Variants in NEMF observed in about 807,000 individuals in gnomAD.
NEMF encodes nuclear export mediator factor, also known as ribosome quality control complex subunit NEMF.
In NEMF, 89 loss-of-function variants were observed where a neutral mutation model predicts 162.2. The observed-to-expected ratio is 0.55, with a 90% confidence interval of 0.46 to 0.65. The LOEUF (loss-of-function observed/expected upper bound fraction) is 0.65. Among genes scored for constraint, NEMF ranks in the 30% least tolerant of loss-of-function variants. The pLI is 0.00. For synonymous variants in NEMF, 421 were observed against 404.5 expected, an observed-to-expected ratio of 1.04 and a Z score of -0.49; for missense variants, 1,133 against 1,261.9, an observed-to-expected ratio of 0.90 and a Z score of 1.55.
At position 49,840,820 on chromosome 14, in the gene NEMF, A is replaced by G. The variant is rs746695126; in HGVS notation, c.404T>C (p.Leu135Pro). ...TDYEYVILNI[L>P]RFRTDEADDV... ...ATCTGCCTCATCAGTTCGAAACCTT[A>G]GAATATTTAAAATTACGTACTCATA... The change falls in exon 5 of 33, where the codon CTA (leucine) becomes CCA (proline). Residue 135 changes from leucine to proline, a missense_variant. Physicochemically the swap from Leu to Pro is moderately conservative, Grantham distance 98. Coordinates refer to ENST00000298310, the MANE Select transcript of NEMF (RefSeq NM_004713.6). 13 of 1,613,570 alleles carry G rather than the reference A, an allele frequency of 8.1e-6. No homozygotes were observed. Among genetic ancestry groups the G allele is most frequent in the South Asian group, 1.1e-5 (1 of 91,034 alleles).
chr14:49,809,619 T>C (rs1594754646), intron 18 of NEMF, among the ~76,000 whole-genome samples: 1 of 152,146 alleles, frequency 6.6e-6, no homozygotes, highest in Non-Finnish European at 1.5e-5. Context: ...TCCCAGCACT[T>C]TGGGAGGCTG....
chr14:49,804,531 G>C (rs1358139891), intron 19 of NEMF, among the ~76,000 whole-genome samples: 1 of 151,978 alleles, frequency 6.6e-6, no homozygotes, highest in Non-Finnish European at 1.5e-5. Flanking sequence ...GCCAGGCGTG[G>C]TGGTGGGTGC....
chr14:49,803,306 A>T lies in NEMF; in HGVS notation c.1858-12T>A. The stretch of plus-strand genomic sequence containing the variant: ...GCTGTTTTAGATACCTGAAGAACAC[A>T]ATAATACATTATATTCTTATTTAAA... On this transcript the variant is annotated splice_polypyrimidine_tract_variant and intron_variant, in intron 19 of 32. Transcript: ENST00000298310. 6.4e-7 allele frequency: 1 copy of T among 1,564,296 alleles called. No homozygotes were observed. The highest frequency in any genetic ancestry group is 8.8e-7 in the Non-Finnish European group (1 of 1,137,766).
intron 19 of NEMF, 127 bp from the exon 20 acceptor site, chr14:49,803,421 G>A (rs536319295): frequency 2.7e-5 from 15 of 556,108 alleles, no homozygotes; most frequent in East Asian, 1.9e-4. Context: ...TTATAATTTC[G>A]TACAAATTCT....
intron 15 of NEMF, 59 bp downstream of exon 15, chr14:49,828,232 T>C (rs1892458590): frequency 9.1e-7 from 1 of 1,093,482 alleles, no homozygotes; most frequent in Non-Finnish European, 1.4e-6. Flanking sequence ...GAAATAATTA[T>C]GTCCATTAAA....
At position 49,782,106 on chromosome 14, in the gene NEMF, CA is replaced by C; in HGVS notation, c.*2529del. The C allele has an allele frequency of 2.5e-6, 1 of 396,568 alleles. No individual in the cohort carries two copies. The highest frequency in any genetic ancestry group is 4.5e-6 in the Non-Finnish European group (1 of 223,510). 24.6% of individuals were successfully genotyped at this position (396,568 alleles called of 1,614,324 possible). A position where few individuals can be genotyped will look rare whatever the true frequency, so the allele number is the denominator to read the frequency against. On this transcript the variant is annotated 3_prime_UTR_variant, in exon 33 of 33. Coordinates refer to ENST00000298310, the MANE Select transcript of NEMF (RefSeq NM_004713.6). ...GCTCCCATACGATTTTTATTGCTAA[CA>C]AAGACCTAGAGAACAGATCGTTCAG...
At chr14:49,811,876 C>G (rs966765417) in intron 18 of NEMF, among the ~76,000 whole-genome samples, 8 of 152,020 alleles carry the variant, frequency 5.3e-5, no homozygotes, top group African/African-American at 1.7e-4. Context: ...ATATTTATAA[C>G]CGGTATTGGT....
At chr14:49,809,005 G>A (rs566757803) in intron 18 of NEMF, among the ~76,000 whole-genome samples, 1 of 152,172 alleles carries the variant, frequency 6.6e-6, no homozygotes, top group Admixed American at 6.5e-5. Flanking sequence ...AATGATAATG[G>A]CCAAAATCCA....
chr14:49,836,377 C>T (rs1047209121), intron 6 of NEMF, among the ~76,000 whole-genome samples: 1 of 152,036 alleles, frequency 6.6e-6, no homozygotes, highest in Admixed American at 6.5e-5. Context: ...GCTGGCCGAG[C>T]GCAGTTGCTC....
In NEMF at chr14:49,828,630, A is replaced by C. The variant is rs371405135; in HGVS notation, c.1410T>G (p.Tyr470Ter). 3.2e-5 allele frequency: 50 copies of C among 1,569,372 alleles called. No homozygotes were observed. The highest frequency in any genetic ancestry group is 4.0e-5 in the Non-Finnish European group (47 of 1,166,776). Residue 470 changes from tyrosine to a stop codon, truncating the protein, a stop_gained, in exon 14 of 33, where the codon TAT becomes TAG. Transcript: ENST00000298310. LOFTEE classifies it high-confidence loss of function. ...LVDVDLSLSA[Y>*]ANAKKYYDHK... ...AAATGACTTACTTTTTGGCATTGGC[A>C]TATGCTGACAAGCTGAGATCAACAT...
intron 3 of NEMF, among the ~76,000 whole-genome samples, chr14:49,846,851 G>T (rs376691559): frequency 1.5e-4 from 23 of 152,092 alleles, no homozygotes; most frequent in African/African-American, 5.6e-4. Context: ...TCCTTGTTGT[G>T]GTCCTAATGA....
At chr14:49,823,878 T>C (rs1892208151) in intron 16 of NEMF, among the ~76,000 whole-genome samples, 1 of 152,154 alleles carries the variant, frequency 6.6e-6, no homozygotes, top group South Asian at 2.1e-4. Flanking sequence ...ATGTAAAATA[T>C]CAACTATCAG....
intron 26 of NEMF, among the ~76,000 whole-genome samples, chr14:49,793,775 T>C (rs1890560660): frequency 6.6e-6 from 1 of 152,126 alleles, no homozygotes; most frequent in African/African-American, 2.4e-5. Flanking sequence ...AATTGCTGAG[T>C]CAAAGGGCAG....
intron 28 of NEMF, 32 bp from the exon 29 acceptor site, chr14:49,786,782 G>A: frequency 1.3e-6 from 2 of 1,597,054 alleles, no homozygotes; most frequent in African/African-American, 2.7e-5. Flanking sequence ...AAAAATGTCA[G>A]CTATAATGTA....
chr14:49,795,731 A>G (rs572812085), intron 26 of NEMF, 60 bp downstream of exon 26: 1 of 1,504,810 alleles, frequency 6.6e-7, no homozygotes, highest in East Asian at 2.3e-5. Flanking sequence ...TCAACTTTAA[A>G]AAATTAAAAA....
intron 5 of NEMF, among the ~76,000 whole-genome samples, 194 bp from the exon 6 acceptor site, chr14:49,838,400 G>A (rs1893012851): frequency 6.6e-6 from 1 of 152,120 alleles, no homozygotes; most frequent in African/African-American, 2.4e-5. Flanking sequence ...GTTCTTGAAT[G>A]GCAGTTTTCT....
At chr14:49,839,076 T>TA (rs889380719) in intron 5 of NEMF, among the ~76,000 whole-genome samples, 6 of 151,058 alleles carry the variant, frequency 4.0e-5, no homozygotes, top group East Asian at 2.0e-4. Flanking sequence ...AATTTTTTTT[T>TA]TTTTATTTTT....
At chr14:49,824,127 G>T (rs185917812) in intron 16 of NEMF, among the ~76,000 whole-genome samples, 1 of 152,226 alleles carries the variant, frequency 6.6e-6, no homozygotes, top group African/African-American at 2.4e-5. Flanking sequence ...CCAAGATCAT[G>T]CCACTGCACT....
chr14:49,844,562 T>C (rs1309237994), intron 4 of NEMF, among the ~76,000 whole-genome samples: 1 of 152,120 alleles, frequency 6.6e-6, no homozygotes, highest in Non-Finnish European at 1.5e-5. Flanking sequence ...TGAGTAAATG[T>C]GAAGGCCTGG....
Sources: allele counts gnomAD v4.1 joint callset (sites outside exome capture counted in the v4.1 genomes callset), GRCh38; gene constraint gnomAD v4.1.1; transcripts MANE v1.5; gene names NCBI Gene and HGNC (gene_info 2026-07-23, HGNC 2026-07-21).